The following PTPRM variants were observed in gnomAD, a reference collection of about 807,000 sequenced individuals.
PTPRM encodes receptor-type tyrosine-protein phosphatase mu.
Under a neutral mutation model 186.7 loss-of-function variants are expected in PTPRM, and 47 were observed. The ratio of observed to expected loss-of-function variants is 0.25; its 90% CI spans 0.20 to 0.32. The LOEUF (loss-of-function observed/expected upper bound fraction) is 0.32. PTPRM is among the 10% of genes least tolerant of loss of function. The pLI is 1.00. For missense variants in PTPRM, 1,494 were observed against 1,865.0 expected, an observed-to-expected ratio of 0.80 and a Z score of 3.66; for synonymous variants, 668 against 674.9, an observed-to-expected ratio of 0.99 and a Z score of 0.16.
rs150146770 is a variant in PTPRM at position 8,290,921 on chromosome 18, G to A, written c.2755-5447G>A. ...TCATAATAGGAAGTTCATAGTTGGT[G>A]TGTTAAATTATACCTGCATATTTAA... On this transcript the variant is annotated intron_variant, in intron 19 of 32. Transcript: ENST00000580170. 3.4e-4 allele frequency among the ~76,000 whole-genome samples: 52 copies of A among 152,252 alleles called. No homozygotes were observed. In the East Asian group the frequency reaches 8.5e-3, roughly 25 times the overall value.
At chr18:7,706,571 C>A (rs2040093815) in intron 1 of PTPRM, among the ~76,000 whole-genome samples, 1 of 126,234 alleles carries the variant, frequency 7.9e-6, no homozygotes, top group Non-Finnish European at 1.6e-5. Flanking sequence ...CACTGCACTC[C>A]AGCCTGGATG....
chr18:7,834,491 T>TACACACACATACACACAC (rs1555613406), intron 2 of PTPRM, among the ~76,000 whole-genome samples: 1 of 84,606 alleles, frequency 1.2e-5, no homozygotes, highest in East Asian at 3.1e-4. Context: ...TATACAAGTA[T>TACACACACATACACACAC]ACACACACAC....
At chr18:8,087,033 C>A (rs2090468475) in intron 10 of PTPRM, among the ~76,000 whole-genome samples, 1 of 151,942 alleles carries the variant, frequency 6.6e-6, no homozygotes, top group Admixed American at 6.6e-5. Context: ...AGAAGAAAGA[C>A]CACTGGACTT....
chr18:8,175,763 T>C (rs2093471379), intron 14 of PTPRM, among the ~76,000 whole-genome samples: 1 of 152,244 alleles, frequency 6.6e-6, no homozygotes, highest in African/African-American at 2.4e-5. Context: ...GGTAATTTCG[T>C]TGGTTGCACA....
At chr18:8,063,274 C>T (rs1188138223) in intron 7 of PTPRM, among the ~76,000 whole-genome samples, 1 of 151,044 alleles carries the variant, frequency 6.6e-6, no homozygotes, top group Non-Finnish European at 1.5e-5. Context: ...TCCCTGACCC[C>T]TTGCGCTTCC....
intron 14 of PTPRM, among the ~76,000 whole-genome samples, chr18:8,182,367 C>T (rs1166314547): frequency 6.6e-6 from 1 of 152,168 alleles, no homozygotes; most frequent in Non-Finnish European, 1.5e-5. Context: ...GCTCCACACC[C>T]TCCCTCCTCA....
intron 1 of PTPRM, among the ~76,000 whole-genome samples, chr18:7,651,347 A>G (rs113013185): frequency 6.4e-4 from 97 of 152,244 alleles, no homozygotes; most frequent in African/African-American, 2.3e-3. Flanking sequence ...CTCTTCAAAA[A>G]ACACCCTTAA....
chr18:7,848,314 A>G (rs2046698962), intron 2 of PTPRM, among the ~76,000 whole-genome samples: 2 of 152,230 alleles, frequency 1.3e-5, no homozygotes, highest in South Asian at 2.1e-4. Flanking sequence ...TCTGTAGTCA[A>G]ATAAAACAGT....
At chr18:7,970,675 A>G (rs1449741540) in intron 7 of PTPRM, among the ~76,000 whole-genome samples, 1 of 86,114 alleles carries the variant, frequency 1.2e-5, no homozygotes, top group Non-Finnish European at 2.2e-5. Context: ...ACAGACAAAC[A>G]GAGAGCCAAA....
chr18:8,276,608 C>T (rs971742293), intron 19 of PTPRM, among the ~76,000 whole-genome samples: 6 of 152,184 alleles, frequency 3.9e-5, no homozygotes, highest in Admixed American at 1.3e-4. Context: ...GCACAGCCCT[C>T]CTCCCAGCAG....
intron 2 of PTPRM, among the ~76,000 whole-genome samples, chr18:7,867,358 G>A (rs2047761273): frequency 6.6e-6 from 1 of 152,282 alleles, no homozygotes; most frequent in South Asian, 2.1e-4. Flanking sequence ...TCCATGTTTA[G>A]TGCTTCCTTG....
At chr18:7,651,543 C>T (rs2038703966) in intron 1 of PTPRM, among the ~76,000 whole-genome samples, 1 of 151,846 alleles carries the variant, frequency 6.6e-6, no homozygotes, top group African/African-American at 2.4e-5. Flanking sequence ...GGTACTGGTA[C>T]CAAAACAGAG....
At chr18:8,006,696 G>A (rs1005385334) in intron 7 of PTPRM, among the ~76,000 whole-genome samples, 3 of 152,140 alleles carry the variant, frequency 2.0e-5, no homozygotes, top group Non-Finnish European at 4.4e-5. Flanking sequence ...GGTGTGCTGG[G>A]TCCCTGACAC....
chr18:7,795,810 C>CTTTCT lies in PTPRM; in HGVS notation c.196+21542_196+21543insCTTTT, dbSNP rs1475163856. Among the ~76,000 whole-genome samples, 60 of 117,742 alleles carry CTTTCT rather than the reference C, an allele frequency of 5.1e-4. 1 individual carries two copies. Among genetic ancestry groups the CTTTCT allele is most frequent in the African/African-American group, 1.9e-3 (58 of 31,006 alleles). The allele number at this position is 117,742 out of a possible 152,430, so 77.2% of individuals were successfully genotyped here. On this transcript the variant is annotated intron_variant, in intron 2 of 32. Transcript: ENST00000580170. Reference sequence around the variant, plus strand: ...TATCGCATTTTTTCTTTCTTTCTTTCTTTTTTTTTTTTTTTTTTTAGAGAG... The same window carrying CTTTCT: ...TATCGCATTTTTTCTTTCTTTCTTTCTTTCTTTTTTTTTTTTTTTTTTTTAGAGAG...
intron 23 of PTPRM, among the ~76,000 whole-genome samples, chr18:8,346,808 G>GAA (rs113755307): frequency 4.8e-4 from 72 of 148,574 alleles, no homozygotes; most frequent in African/African-American, 8.1e-4. Context: ...AATGACTATT[G>GAA]AAAAAAAAAA....
intron 2 of PTPRM, among the ~76,000 whole-genome samples, chr18:7,805,687 G>A (rs1426307079): frequency 6.6e-6 from 1 of 152,114 alleles, no homozygotes; most frequent in African/African-American, 2.4e-5. Context: ...AGAAGACATG[G>A]TTTATACTTT....
intron 7 of PTPRM, among the ~76,000 whole-genome samples, chr18:7,985,003 GTATATACATATAATTA>G (rs1318127712): frequency 8.8e-5 from 9 of 101,812 alleles, no homozygotes; most frequent in African/African-American, 2.9e-4. Flanking sequence ...ACATATAATT[GTATATACATATAATTA>G]TATATACATA....
intron 2 of PTPRM, among the ~76,000 whole-genome samples, chr18:7,796,571 C>T (rs1024739202): frequency 5.9e-5 from 9 of 152,238 alleles, no homozygotes; most frequent in Admixed American, 3.3e-4. Context: ...TCCCTGATAC[C>T]GTGGGCCATT....
chr18:7,698,477 T>C (rs546569512), intron 1 of PTPRM, among the ~76,000 whole-genome samples: 95 of 152,354 alleles, frequency 6.2e-4, no homozygotes, highest in African/African-American at 2.1e-3. Flanking sequence ...GGAAGATGTA[T>C]CACATGAATA....
Sources: gnomAD v4.1 joint callset for allele counts (sites outside exome capture counted in the v4.1 genomes callset) on GRCh38, gnomAD v4.1.1 for gene constraint, MANE v1.5 for transcripts, NCBI Gene and HGNC (gene_info 2026-07-23, HGNC 2026-07-21) for gene names.